Variants in FOXP2 observed in about 807,000 individuals in gnomAD.
FOXP2 encodes forkhead box P2.
Under a neutral mutation model 115.8 loss-of-function variants are expected in FOXP2, and 12 were observed. That is an observed-to-expected ratio of 0.10 (90% CI 0.07 to 0.17). The LOEUF (loss-of-function observed/expected upper bound fraction) is 0.17. FOXP2 is among the 10% of genes least tolerant of loss of function. FOXP2 has a pLI of 1.00. For synonymous variants in FOXP2, 328 were observed against 297.7 expected (o/e 1.10, Z -1.05); for missense variants, 629 against 843.5 (o/e 0.75, Z 3.15).
intron 1 of FOXP2, among the ~76,000 whole-genome samples, chr7:114,090,042 C>G (rs978489620): frequency 6.6e-6 from 1 of 151,850 alleles, no homozygotes. Context: ...TTTTGGATTT[C>G]TATCTGGGTC....
At chr7:114,399,201 C>T (rs1304147435) in intron 2 of FOXP2, among the ~76,000 whole-genome samples, 2 of 151,484 alleles carry the variant, frequency 1.3e-5, no homozygotes, top group Non-Finnish European at 2.9e-5. Context: ...TCTGCCTCCC[C>T]AATTCAAGTG....
chr7:114,241,210 AT>A (rs1795142953), intron 1 of FOXP2, among the ~76,000 whole-genome samples: 1 of 152,092 alleles, frequency 6.6e-6, no homozygotes, highest in Non-Finnish European at 1.5e-5. Flanking sequence ...CATATAAAAA[AT>A]ATTCTCTGTC....
chr7:114,689,028 G>T (rs1808519125), intron 16 of FOXP2, among the ~76,000 whole-genome samples: 1 of 152,084 alleles, frequency 6.6e-6, no homozygotes, highest in African/African-American at 2.4e-5. Flanking sequence ...TGCTATCTGT[G>T]AACCTTCATA....
intron 1 of FOXP2, among the ~76,000 whole-genome samples, chr7:114,271,530 T>C (rs1380971631): frequency 7.7e-6 from 1 of 129,482 alleles, no homozygotes; most frequent in Admixed American, 9.4e-5. Context: ...ATATAATTAT[T>C]ATATTATTAT....
Position 114,581,774 on chromosome 7 carries a change from T to C in FOXP2, c.259-46766T>C, listed in dbSNP as rs189160926. 2.0e-5 allele frequency among the ~76,000 whole-genome samples: 3 copies of C among 152,218 alleles called. No homozygotes were observed. In the East Asian group the frequency reaches 5.8e-4, roughly 29 times the overall value. On this transcript the variant is annotated intron_variant, in intron 3 of 16. Transcript: ENST00000350908. Reference sequence around the variant, plus strand: ...CTTTGTGTTTTCCCTATGCATTCCTTCTTCCCCCTAGTCCCTGGAAACCAC... The same window carrying C: ...CTTTGTGTTTTCCCTATGCATTCCTCCTTCCCCCTAGTCCCTGGAAACCAC...
At chr7:114,649,170 G>A (rs1236062347) in intron 8 of FOXP2, among the ~76,000 whole-genome samples, 1 of 152,040 alleles carries the variant, frequency 6.6e-6, no homozygotes, top group East Asian at 1.9e-4. Flanking sequence ...ATGAAGCTGT[G>A]AAATAGAACT....
chr7:114,244,599 C>CTTAATTATATTTAACTT (rs1795231557), intron 1 of FOXP2, among the ~76,000 whole-genome samples: 1 of 152,116 alleles, frequency 6.6e-6, no homozygotes, highest in Non-Finnish European at 1.5e-5. Context: ...GCTTTTCATA[C>CTTAATTATATTTAACTT]AGATTATTTA....
At chr7:114,492,803 A>C (rs1286267976) in intron 2 of FOXP2, among the ~76,000 whole-genome samples, 2 of 152,100 alleles carry the variant, frequency 1.3e-5, no homozygotes, top group African/African-American at 2.4e-5. Flanking sequence ...CTGTTCTTTT[A>C]CATTTGCTGA....
At chr7:114,609,514 T>G (rs1182290999) in intron 3 of FOXP2, among the ~76,000 whole-genome samples, 1 of 152,204 alleles carries the variant, frequency 6.6e-6, no homozygotes, top group Non-Finnish European at 1.5e-5. Context: ...CTTTGTAAAA[T>G]TCTTTTCGAG....
intron 1 of FOXP2, among the ~76,000 whole-genome samples, chr7:114,187,147 A>G (rs956032882): frequency 6.6e-6 from 1 of 152,080 alleles, no homozygotes; most frequent in African/African-American, 2.4e-5. Context: ...GATTTTCCTT[A>G]CCAAACATGC....
chr7:114,114,058 A>G (rs960829317), intron 1 of FOXP2, among the ~76,000 whole-genome samples: 1 of 151,984 alleles, frequency 6.6e-6, no homozygotes, highest in Non-Finnish European at 1.5e-5. Context: ...GAAGTAGAAA[A>G]TAAAATAAAA....
At chr7:114,502,363 C>T (rs936777674) in intron 2 of FOXP2, among the ~76,000 whole-genome samples, 1 of 152,090 alleles carries the variant, frequency 6.6e-6, no homozygotes, top group Non-Finnish European at 1.5e-5. Context: ...AGAAAAAACA[C>T]TAGCCATGTT....
At chr7:114,096,834 T>A (rs1335506132) in intron 1 of FOXP2, among the ~76,000 whole-genome samples, 1 of 152,218 alleles carries the variant, frequency 6.6e-6, no homozygotes, top group East Asian at 1.9e-4. Flanking sequence ...TTAATGTTTA[T>A]CTTCTTATTC....
At chr7:114,215,615 C>A (rs150407844) in intron 1 of FOXP2, among the ~76,000 whole-genome samples, 2,370 of 151,564 alleles carry the variant, frequency 0.016, 39 homozygotes, top group Middle Eastern at 0.041. Context: ...TACTGATGTA[C>A]CATTAGTACA....
At chr7:114,111,854 G>A (rs1331084167) in intron 1 of FOXP2, among the ~76,000 whole-genome samples, 1 of 151,874 alleles carries the variant, frequency 6.6e-6, no homozygotes, top group Non-Finnish European at 1.5e-5. Context: ...GGATCTCATG[G>A]GAGCAACTCA....
chr7:114,283,993 A>T (rs1363947580), intron 1 of FOXP2, among the ~76,000 whole-genome samples: 6 of 152,108 alleles, frequency 3.9e-5, no homozygotes, highest in Non-Finnish European at 7.4e-5. Context: ...CAAAACACAT[A>T]AAAAAACTAA....
chr7:114,690,136 T>C lies in FOXP2; in HGVS notation c.*210T>C, dbSNP rs1254151340. On this transcript the variant is annotated 3_prime_UTR_variant, in exon 17 of 17. Transcript: ENST00000350908. The stretch of plus-strand genomic sequence containing the variant: ...TTTCTTCTTCTTCTTCTTCTTTTTT[T>C]TTTTTTTTTTAGAAAAAAAGACAAA... The C allele has an allele frequency of 1.7e-6, 1 of 571,656 alleles. No individual in the cohort carries two copies. Among genetic ancestry groups the C allele is most frequent in the Admixed American group, 2.8e-5 (1 of 35,862 alleles). The allele number at this position is 571,656 out of a possible 1,614,324, so 35.4% of individuals were successfully genotyped here. A position where few individuals can be genotyped will look rare whatever the true frequency, so the allele number is the denominator to read the frequency against.
intron 1 of FOXP2, among the ~76,000 whole-genome samples, chr7:114,191,921 C>T (rs1793770295): frequency 1.3e-5 from 2 of 152,138 alleles, no homozygotes; most frequent in South Asian, 4.1e-4. Flanking sequence ...ACTCTCTCCT[C>T]CTTGAGCCCC....
At chr7:114,385,424 C>A (rs1220139981) in intron 2 of FOXP2, among the ~76,000 whole-genome samples, 1 of 152,200 alleles carries the variant, frequency 6.6e-6, no homozygotes, top group Non-Finnish European at 1.5e-5. Flanking sequence ...ACATGGGCAA[C>A]TGCTGAGTAG....
Sources: gnomAD v4.1 joint callset for allele counts (sites outside exome capture counted in the v4.1 genomes callset) on GRCh38, gnomAD v4.1.1 for gene constraint, MANE v1.5 for transcripts, NCBI Gene and HGNC (gene_info 2026-07-23, HGNC 2026-07-21) for gene names.